The following RIPOR2 variants were observed in gnomAD, a reference collection of about 807,000 sequenced individuals.
The protein encoded by RIPOR2 is rho family-interacting cell polarization regulator 2.
Under a neutral mutation model 114.5 loss-of-function variants are expected in RIPOR2, and 39 were observed. That is an observed-to-expected ratio of 0.34 (90% CI 0.26 to 0.44). The LOEUF (loss-of-function observed/expected upper bound fraction) is 0.44. Among genes scored for constraint, RIPOR2 ranks in the 20% least tolerant of loss-of-function variants. The pLI is 1.00. For missense variants in RIPOR2, 1,007 were observed against 1,255.1 expected (o/e 0.80, Z 2.99); for synonymous variants, 445 against 484.4 (o/e 0.92, Z 1.07).
Position 24,839,033 on chromosome 6 carries a change from G to T in RIPOR2, c.2039+58C>A, listed in dbSNP as rs1761377765. On this transcript the variant is annotated intron_variant, in intron 14 of 21. Coordinates refer to ENST00000643898, the MANE Select transcript of RIPOR2 (RefSeq NM_001286445.3). ...CCAGGTCCCCTCTGACAGTAACAAA[G>T]AACTACTGTATCAGCTGTGACAGGA... 3 of 1,373,766 alleles carry T rather than the reference G, an allele frequency of 2.2e-6. 1 individual carries two copies. Among genetic ancestry groups the T allele is most frequent in the South Asian group, 1.3e-5 (1 of 75,660 alleles). 85.1% of individuals were successfully genotyped at this position (1,373,766 alleles called of 1,614,324 possible). A position where few individuals can be genotyped will look rare whatever the true frequency, so the allele number is the denominator to read the frequency against.
rs73729571 is a variant in RIPOR2 at position 24,967,125 on chromosome 6, C to T, written c.76+74726G>A. The stretch of plus-strand genomic sequence containing the variant: ...TACATAATTAGAAGGGCTAGTGAGT[C>T]AATCTTTGAAGAAGGCTTTGAAGAA... On this transcript the variant is annotated intron_variant, in intron 1 of 13. Transcript: ENST00000510784. Among the ~76,000 whole-genome samples, 1,410 of 152,290 alleles carry T rather than the reference C, an allele frequency of 9.3e-3. 23 individuals are homozygous for T. The highest frequency in any genetic ancestry group is 0.031 in the African/African-American group (1,276 of 41,548).
chr6:25,008,815 G>A (rs1449941489), intron 1 of RIPOR2, among the ~76,000 whole-genome samples: 1 of 152,254 alleles, frequency 6.6e-6, no homozygotes, highest in African/African-American at 2.4e-5. Flanking sequence ...TGGCTCTGGA[G>A]GAGCCATTGG....
Position 24,825,210 on chromosome 6 carries a change from T to G in RIPOR2, c.2868+16A>C. 1 of 1,537,186 alleles carries G rather than the reference T, an allele frequency of 6.5e-7. No homozygotes were observed. The highest frequency in any genetic ancestry group is 8.8e-7 in the Non-Finnish European group (1 of 1,136,560). On this transcript the variant is annotated intron_variant, in intron 19 of 21. Transcript: ENST00000643898. ...AAACCAGCTTCTGGCTTGATGGCCATGGTTTAGTGTCTTACCTTTTCCCTG... is the reference window on the plus strand; with the variant it reads ...AAACCAGCTTCTGGCTTGATGGCCAGGGTTTAGTGTCTTACCTTTTCCCTG...
chr6:25,028,326 G>C (rs748610429), intron 1 of RIPOR2, among the ~76,000 whole-genome samples: 3 of 152,170 alleles, frequency 2.0e-5, no homozygotes, highest in Non-Finnish European at 2.9e-5. Flanking sequence ...TTTCTGAATA[G>C]AGAGGGTGGC....
chr6:25,033,457 C>T (rs1193568462), intron 1 of RIPOR2, among the ~76,000 whole-genome samples: 1 of 152,110 alleles, frequency 6.6e-6, no homozygotes, highest in East Asian at 1.9e-4. Context: ...ACTGCTGCAG[C>T]CCTGGTATCA....
At chr6:24,996,225 C>T (rs1775040050) in intron 1 of RIPOR2, among the ~76,000 whole-genome samples, 1 of 152,192 alleles carries the variant, frequency 6.6e-6, no homozygotes, top group Admixed American at 6.5e-5. Flanking sequence ...TGGTCTTTCA[C>T]CACCTGGATC....
chr6:24,970,954 C>T (rs759527978), intron 1 of RIPOR2, among the ~76,000 whole-genome samples: 6 of 152,120 alleles, frequency 3.9e-5, no homozygotes, highest in Non-Finnish European at 8.8e-5. Context: ...GACAACAGTA[C>T]TCACCTCTTT....
rs1263027105 is a variant in RIPOR2 at position 25,041,878 on chromosome 6, C to T, written c.49G>A (p.Asp17Asn). The T allele has an allele frequency of 5.7e-6, 4 of 702,888 alleles. No homozygotes were observed. The highest frequency in any genetic ancestry group is 5.2e-6 in the Non-Finnish European group (2 of 384,976). 43.5% of individuals were successfully genotyped at this position (702,888 alleles called of 1,614,324 possible). A position where few individuals can be genotyped will look rare whatever the true frequency, so the allele number is the denominator to read the frequency against. The change falls in exon 1 of 14, where the codon GAC becomes AAC. Residue 17 changes from aspartate to asparagine, a missense_variant. Transcript: ENST00000510784. Reference sequence around the variant, plus strand: ...TTGAGCTGGCGCCTCCGGATCCTGTCCCTCCATGGCCTGTTTCTGATCCAG... The same window carrying T: ...TTGAGCTGGCGCCTCCGGATCCTGTTCCTCCATGGCCTGTTTCTGATCCAG...
At chr6:24,907,098 G>C (rs1769078045) in intron 1 of RIPOR2, among the ~76,000 whole-genome samples, 1 of 152,190 alleles carries the variant, frequency 6.6e-6, no homozygotes, top group Non-Finnish European at 1.5e-5. Flanking sequence ...AATTAAAAAT[G>C]ATTGTGAATC....
chr6:24,847,966 T>C, intron 12 of RIPOR2, 59 bp downstream of exon 12: 1 of 1,606,504 alleles, frequency 6.2e-7, no homozygotes, highest in Non-Finnish European at 8.5e-7. Flanking sequence ...TTTCAAATGC[T>C]GGGTGCAAGC....
At chr6:24,976,443 G>A (rs1490894579) in intron 1 of RIPOR2, 12 of 1,565,980 alleles carry the variant, frequency 7.7e-6, no homozygotes, top group South Asian at 1.1e-5. Context: ...CATGTTCTTC[G>A]ACATTGCCGT....
intron 1 of RIPOR2, among the ~76,000 whole-genome samples, chr6:24,972,026 T>C (rs546140070): frequency 3.9e-5 from 6 of 152,176 alleles, no homozygotes; most frequent in African/African-American, 1.2e-4. Context: ...GAGATTTCCA[T>C]GGAGTTTATG....
chr6:25,005,885 C>T (rs1775543342), intron 1 of RIPOR2, among the ~76,000 whole-genome samples: 4 of 151,436 alleles, frequency 2.6e-5, no homozygotes, highest in Admixed American at 2.0e-4. Context: ...CTAACTTGTT[C>T]GTTTCAAAAG....
At chr6:25,001,031 G>A (rs1028682796) in intron 1 of RIPOR2, among the ~76,000 whole-genome samples, 1 of 152,082 alleles carries the variant, frequency 6.6e-6, no homozygotes, top group Non-Finnish European at 1.5e-5. Flanking sequence ...ATTCCCTAGC[G>A]ATGTCCTGCT....
At position 24,984,482 on chromosome 6, in the gene RIPOR2, A is replaced by T. The variant is rs562940762; in HGVS notation, c.76+57369T>A. ...TACTCACAATTTTCTAATCTGTAAA[A>T]CTGGAATAATAATTACTGTCTTAAA... On this transcript the variant is annotated intron_variant, in intron 1 of 13. Transcript: ENST00000510784. Among the ~76,000 whole-genome samples the T allele has an allele frequency of 1.1e-4, 16 of 152,250 alleles. No homozygotes were observed. The South Asian group carries it at 3.3e-3, about 32-fold the overall frequency.
chr6:25,015,106 C>T (rs1775911739), intron 1 of RIPOR2: 1 of 152,198 alleles, frequency 6.6e-6, no homozygotes, highest in Non-Finnish European at 1.5e-5. Context: ...GAGTTGCCCC[C>T]AGAGTACTGA....
intron 1 of RIPOR2, among the ~76,000 whole-genome samples, chr6:24,927,182 T>TCACCACCACCACAACTACA (rs1350897331): frequency 9.3e-4 from 3 of 3,222 alleles, no homozygotes; most frequent in Non-Finnish European, 1.6e-3. Context: ...ACCACCACCA[T>TCACCACCACCACAACTACA]GACCACCACC....
intron 1 of RIPOR2, among the ~76,000 whole-genome samples, chr6:25,021,668 AGACTGCAAATTGGGCTCAGT>A (rs1216687907): frequency 6.6e-6 from 1 of 152,208 alleles, no homozygotes; most frequent in Non-Finnish European, 1.5e-5. Context: ...GAGGGATAAA[AGACTGCAAATTGGGCTCAGT>A]GTATACTCCT....
At chr6:24,848,699 C>A (rs1239551318) in intron 11 of RIPOR2, among the ~76,000 whole-genome samples, 1 of 152,140 alleles carries the variant, frequency 6.6e-6, no homozygotes, top group African/African-American at 2.4e-5. Flanking sequence ...GAAGAATGAT[C>A]TTGCATGTGA....
Sources: gnomAD v4.1 joint callset for allele counts (sites outside exome capture counted in the v4.1 genomes callset) on GRCh38, gnomAD v4.1.1 for gene constraint, MANE v1.5 for transcripts, NCBI Gene and HGNC (gene_info 2026-07-23, HGNC 2026-07-21) for gene names.